Variants in SCAPER observed in about 807,000 individuals in gnomAD.
SCAPER encodes the protein S-phase cyclin A associated protein in the ER.
In SCAPER, 98 loss-of-function variants were observed where a neutral mutation model predicts 182.2. The ratio of observed to expected loss-of-function variants is 0.54; its 90% CI spans 0.46 to 0.64. SCAPER has a LOEUF of 0.64. Among genes scored for constraint, SCAPER ranks in the 30% least tolerant of loss-of-function variants. SCAPER has a pLI of 0.00. For synonymous variants in SCAPER, 605 were observed against 564.6 expected, an observed-to-expected ratio of 1.07 and a Z score of -1.01; for missense variants, 1,432 against 1,690.0, an observed-to-expected ratio of 0.85 and a Z score of 2.68.
At chr15:76,408,286 G>A (rs1441300180) in intron 26 of SCAPER, among the ~76,000 whole-genome samples, 1 of 152,048 alleles carries the variant, frequency 6.6e-6, no homozygotes, top group Non-Finnish European at 1.5e-5. Context: ...TTATATCCCT[G>A]TGGTGTCACA....
At chr15:76,628,193 T>C (rs1334768898) in intron 21 of SCAPER, among the ~76,000 whole-genome samples, 3 of 152,246 alleles carry the variant, frequency 2.0e-5, no homozygotes, top group Non-Finnish European at 4.4e-5. Context: ...CTTAATTAGA[T>C]GCATAGATTG....
chr15:76,606,887 C>T (rs2050462748), intron 22 of SCAPER, among the ~76,000 whole-genome samples: 1 of 152,162 alleles, frequency 6.6e-6, no homozygotes, highest in Admixed American at 6.6e-5. Flanking sequence ...TCTTCCATCC[C>T]TTTATTTTGA....
chr15:76,569,268 G>C (rs1170243433), intron 23 of SCAPER, among the ~76,000 whole-genome samples: 2 of 152,056 alleles, frequency 1.3e-5, no homozygotes, highest in Admixed American at 6.6e-5. Context: ...AATTGATGCT[G>C]AACTTACCAA....
At position 76,519,089 on chromosome 15, in the gene SCAPER, AC is replaced by A. The variant is rs2042655428; in HGVS notation, c.2839-14116del. 3.3e-5 allele frequency among the ~76,000 whole-genome samples: 5 copies of A among 152,248 alleles called. No homozygotes were observed. The South Asian group carries it at 1.0e-3, about 31-fold the overall frequency. ...AGAAGAGTCGTTAAGCCTGGAGGAC[AC>A]CCGACCATTAAATAATTTTATGAAA... On this transcript the variant is annotated intron_variant, in intron 23 of 31. Transcript: ENST00000563290.
At chr15:76,815,630 C>T (rs2067014705) in intron 5 of SCAPER, among the ~76,000 whole-genome samples, 1 of 152,104 alleles carries the variant, frequency 6.6e-6, no homozygotes, top group South Asian at 2.1e-4. Context: ...GAGCAGTGGG[C>T]CAGTAAACAT....
chr15:76,834,074 C>T (rs551898526), intron 5 of SCAPER, among the ~76,000 whole-genome samples: 1 of 152,208 alleles, frequency 6.6e-6, no homozygotes, highest in Non-Finnish European at 1.5e-5. Context: ...CTACACACAG[C>T]ACATACTCTA....
chr15:76,688,158 G>A (rs1156515649), intron 20 of SCAPER, among the ~76,000 whole-genome samples: 1 of 152,174 alleles, frequency 6.6e-6, no homozygotes, highest in Non-Finnish European at 1.5e-5. Context: ...GGATCTCACT[G>A]TGGTTTTGAT....
intron 20 of SCAPER, among the ~76,000 whole-genome samples, chr15:76,683,303 T>C (rs935046208): frequency 6.6e-6 from 1 of 151,860 alleles, no homozygotes; most frequent in African/African-American, 2.4e-5. Context: ...GAGGAAAGAA[T>C]CTCAGGTCAC....
chr15:76,589,695 G>A (rs2048961989), intron 22 of SCAPER, among the ~76,000 whole-genome samples: 1 of 152,114 alleles, frequency 6.6e-6, no homozygotes, highest in Non-Finnish European at 1.5e-5. Flanking sequence ...CTCAAGTTCT[G>A]GCCAGGAGAC....
chr15:76,675,080 A>C (rs1363097163), intron 20 of SCAPER, among the ~76,000 whole-genome samples: 1 of 152,224 alleles, frequency 6.6e-6, no homozygotes, highest in African/African-American at 2.4e-5. Flanking sequence ...GATTTACCAC[A>C]AGTTTATCAC....
chr15:76,887,481 C>T (rs577944189), intron 1 of SCAPER, among the ~76,000 whole-genome samples: 43 of 152,292 alleles, frequency 2.8e-4, no homozygotes, highest in Non-Finnish European at 5.7e-4. Context: ...GTCTTAGTAA[C>T]CCACAGACTA....
chr15:76,810,886 T>C (rs982895900), intron 5 of SCAPER, among the ~76,000 whole-genome samples: 1 of 151,874 alleles, frequency 6.6e-6, no homozygotes, highest in African/African-American at 2.4e-5. Context: ...TAGAAATGAC[T>C]AAATTATCAA....
intron 23 of SCAPER, among the ~76,000 whole-genome samples, chr15:76,570,301 G>C (rs1489820172): frequency 2.0e-5 from 3 of 151,798 alleles, no homozygotes; most frequent in African/African-American, 7.3e-5. Context: ...CCCTACCATT[G>C]ATTGTCCTAG....
intron 4 of SCAPER, among the ~76,000 whole-genome samples, chr15:76,850,570 A>G (rs979940871): frequency 6.6e-6 from 1 of 152,172 alleles, no homozygotes; most frequent in Non-Finnish European, 1.5e-5. Context: ...GGCTGAAATG[A>G]CAGAAATAGA....
chr15:76,373,057 T>A (rs2042298733), intron 29 of SCAPER, among the ~76,000 whole-genome samples: 1 of 151,466 alleles, frequency 6.6e-6, no homozygotes, highest in East Asian at 1.9e-4. Flanking sequence ...TCTTTCTTTT[T>A]TTTTTTTTGA....
Position 76,590,459 on chromosome 15 carries a change from G to T in SCAPER, c.2712-16175C>A, listed in dbSNP as rs188699509. On this transcript the variant is annotated intron_variant, in intron 22 of 31. Transcript: ENST00000563290. The stretch of plus-strand genomic sequence containing the variant: ...TTCTATTAAAATCAGAATGCACATA[G>T]ACTTTGGCCCAAAAAATTTCATTTC... Among the ~76,000 whole-genome samples, 17 of 152,204 alleles carry T rather than the reference G, an allele frequency of 1.1e-4. No individual in the cohort carries two copies. In the East Asian group the frequency reaches 3.3e-3, roughly 29 times the overall value.
intron 20 of SCAPER, among the ~76,000 whole-genome samples, chr15:76,671,166 C>T (rs1449563832): frequency 6.6e-6 from 1 of 151,770 alleles, no homozygotes; most frequent in African/African-American, 2.4e-5. Flanking sequence ...ATGGAAAAAC[C>T]CCATCTTCAC....
At chr15:76,398,691 A>G (rs144099429) in intron 27 of SCAPER, among the ~76,000 whole-genome samples, 1 of 152,366 alleles carries the variant, frequency 6.6e-6, no homozygotes, top group East Asian at 1.9e-4. Flanking sequence ...ATTGTCATCT[A>G]TGGATGTGAA....
intron 25 of SCAPER, among the ~76,000 whole-genome samples, chr15:76,443,774 T>C (rs1201593570): frequency 6.6e-6 from 1 of 152,186 alleles, no homozygotes; most frequent in Non-Finnish European, 1.5e-5. Flanking sequence ...CAGCTTTCAA[T>C]GGAAATTTTA....
Sources: gnomAD v4.1 joint callset for allele counts (sites outside exome capture counted in the v4.1 genomes callset) on GRCh38, gnomAD v4.1.1 for gene constraint, MANE v1.5 for transcripts, NCBI Gene and HGNC (gene_info 2026-07-23, HGNC 2026-07-21) for gene names.